Variants in MEGF6 observed in about 807,000 individuals in gnomAD.
MEGF6 encodes multiple EGF like domains 6.
MEGF6 carries 184 observed loss-of-function variants against 207.1 expected under a neutral mutation model. The ratio of observed to expected loss-of-function variants is 0.89; its 90% CI spans 0.79 to 1.00. The LOEUF is 1.00. Among genes scored for constraint, MEGF6 ranks in the 50% least tolerant of loss-of-function variants. MEGF6 has a pLI of 0.00. For synonymous variants in MEGF6, 1,038 were observed against 910.0 expected (o/e 1.14, Z -2.53); for missense variants, 2,282 against 2,202.9 (o/e 1.04, Z -0.72).
chr1:3,561,712 C>T (rs1202690313), intron 4 of MEGF6, among the ~76,000 whole-genome samples: 1 of 152,216 alleles, frequency 6.6e-6, no homozygotes, highest in Admixed American at 6.5e-5. Context: ...GAAGCAGCAA[C>T]AGAAAACACG....
At chr1:3,547,038 G>T (rs1341454431) in intron 4 of MEGF6, 2 of 159,944 alleles carry the variant, frequency 1.3e-5, no homozygotes, top group African/African-American at 4.8e-5. Context: ...GGTGGCTGGG[G>T]GGGGGCCAGC....
rs368634962 is a variant in MEGF6, at chr1:3,509,978, C to T, written c.1249G>A (p.Ala417Thr). The T allele has an allele frequency of 3.3e-5, 53 of 1,585,546 alleles. No homozygotes were observed. In the African/African-American group the frequency reaches 4.8e-4, roughly 14 times the overall value. The change falls in exon 11 of 37, where the codon GCC (alanine) becomes ACC (threonine). Residue 417 changes from alanine to threonine, a missense_variant. Transcript: ENST00000356575. ...GCGCEDVDEC[A>T]SSRGGCEHHC... ...TGCTCGCAGCCGCCACGGCTGGAGG[C>T]GCACTCATCCACATCTGCGGGCGAC...
At chr1:3,622,648 A>C in the MEGF6 span, among the ~76,000 whole-genome samples, 1 of 152,210 alleles carries the variant, frequency 6.6e-6, no homozygotes, top group Non-Finnish European at 1.5e-5. Flanking sequence ...GCAGTGCATG[A>C]GCAAGCCCAG....
rs747215673 is a variant in MEGF6, at chr1:3,511,584, G to A, written c.1080C>T (p.Gly360=). The change falls in exon 9 of 37, where the codon GGC becomes GGT. Residue 360 remains glycine, a synonymous_variant. Coordinates refer to ENST00000356575, the MANE Select transcript of MEGF6 (RefSeq NM_001409.4). ...TCCTCTGATCTGTGTCCAGCTCGTA[G>A]CCGCGGGGACATGTGCACAGGGGCC... The part of the protein sequence containing the change: ...SAGPLCTCPR[G]YELDTDQRTC... The A allele has an allele frequency of 2.5e-6, 4 of 1,611,946 alleles. No individual in the cohort carries two copies. The highest frequency in any genetic ancestry group is 1.3e-5 in the African/African-American group (1 of 75,028).
chr1:3,552,164 C>T (rs542889952), intron 4 of MEGF6, among the ~76,000 whole-genome samples: 15 of 152,340 alleles, frequency 9.8e-5, no homozygotes, highest in Admixed American at 5.2e-4. Context: ...GAGCACATAG[C>T]CTCCCTATGC....
intron 5 of MEGF6, among the ~76,000 whole-genome samples, chr1:3,522,018 C>T (rs1401984947): frequency 6.6e-6 from 1 of 152,252 alleles, no homozygotes; most frequent in East Asian, 1.9e-4. Context: ...ACCCAAGTCA[C>T]TCTTGTTGCC....
rs74498932 is a variant in MEGF6, at chr1:3,555,018, C to A, written c.481+24807G>T. 2.3e-3 allele frequency among the ~76,000 whole-genome samples: 346 copies of A among 152,276 alleles called. 1 individual carries two copies. The highest frequency in any genetic ancestry group is 8.0e-3 in the African/African-American group (331 of 41,542). On this transcript the variant is annotated intron_variant, in intron 4 of 36. Transcript: ENST00000356575. ...AGGGCTGATCCCAGGTCCTGCCCGG[C>A]CCTCTCCCGTCCTGGAACCCAGCCA...
At chr1:3,575,673 C>G (rs112464652) in intron 4 of MEGF6, among the ~76,000 whole-genome samples, 1 of 152,036 alleles carries the variant, frequency 6.6e-6, no homozygotes, top group African/African-American at 2.4e-5. Flanking sequence ...AGAGCTTGTG[C>G]GGGGAAACTC....
At position 3,502,459 on chromosome 1, in the gene MEGF6, C is replaced by T. The variant is rs192875189; in HGVS notation, c.2189-538G>A. ...CCAGCTGGGAGCCCCTCCAGGGACT[C>T]GGCCCGAGGGCTGGGGAGGCTGTGC... On this transcript the variant is annotated intron_variant, in intron 17 of 36. Transcript: ENST00000356575. Among the ~76,000 whole-genome samples the T allele has an allele frequency of 3.2e-4, 48 of 152,280 alleles. No homozygotes were observed. In the East Asian group the frequency reaches 8.1e-3, roughly 26 times the overall value.
chr1:3,506,897 G>A (rs998345228), intron 14 of MEGF6, among the ~76,000 whole-genome samples: 24 of 152,232 alleles, frequency 1.6e-4, no homozygotes, highest in African/African-American at 2.4e-4. Flanking sequence ...AGAGGCAGGC[G>A]GAAGCCGAGA....
At chr1:3,581,877 G>A (rs1293448894) in intron 3 of MEGF6, among the ~76,000 whole-genome samples, 1 of 152,122 alleles carries the variant, frequency 6.6e-6, no homozygotes, top group African/African-American at 2.4e-5. Flanking sequence ...CCCTCTCCTG[G>A]AGCCCGTGCA....
upstream of MEGF6, among the ~76,000 whole-genome samples, chr1:3,614,670 C>T (rs1249006439): frequency 6.6e-6 from 1 of 152,202 alleles, no homozygotes; most frequent in Non-Finnish European, 1.5e-5. Flanking sequence ...TCTGCAGTTC[C>T]CTCCATTGCT....
chr1:3,617,631 A>G, the MEGF6 span, among the ~76,000 whole-genome samples: 2 of 152,202 alleles, frequency 1.3e-5, no homozygotes, highest in Non-Finnish European at 2.9e-5. Flanking sequence ...CCTGAACTTA[A>G]AACAAAATTT....
rs1641061807 is a variant in MEGF6, at chr1:3,505,290, T to C, written c.2106A>G (p.Pro702=). ...GPGCWQACTC[P]VGVACDSVSG... is the part of the protein sequence containing the mutation. ...TCACGGAGTCACAGGCCACGCCCAC[T>C]GGGCAGGTGCATGCCTGCCAGCACC... The change falls in exon 17 of 37, where the codon CCA becomes CCG. Residue 702 remains proline (P), a synonymous_variant. Coordinates refer to ENST00000356575, the MANE Select transcript of MEGF6 (RefSeq NM_001409.4). 3.1e-6 allele frequency: 5 copies of C among 1,612,210 alleles called. No homozygotes were observed. The highest frequency in any genetic ancestry group is 3.4e-6 in the Non-Finnish European group (4 of 1,179,698).
intron 3 of MEGF6, among the ~76,000 whole-genome samples, chr1:3,590,353 C>T (rs1256801863): frequency 2.6e-5 from 4 of 151,912 alleles, no homozygotes; most frequent in African/African-American, 7.3e-5. Context: ...GGCACCGGAC[C>T]AGGATAAAAG....
Position 3,498,519 on chromosome 1 carries a change from CACG to C in MEGF6, c.3224-23_3224-21del. 6.4e-7 allele frequency: 1 copy of C among 1,553,138 alleles called. No homozygotes were observed. The highest frequency in any genetic ancestry group is 8.7e-7 in the Non-Finnish European group (1 of 1,148,648). On this transcript the variant is annotated intron_variant, in intron 25 of 36. Transcript: ENST00000356575. ...GGCACTCTACAGGAGCAGAGGCAGG[CACG>C]AGGGTGAGGGTCCTGCCTCCTGGGC...
At position 3,498,491 on chromosome 1, in the gene MEGF6, G is replaced by A; in HGVS notation, c.3232C>T (p.Pro1078Ser). Reference sequence around the variant, plus strand: ...CGGCAGCCAGCTCTGACGTCCCGGGGGAGGCACTCTACAGGAGCAGAGGCA... The same window carrying A: ...CGGCAGCCAGCTCTGACGTCCCGGGAGAGGCACTCTACAGGAGCAGAGGCA... The part of the protein sequence containing the change: ...AGLACEKECL[P>S]RDVRAGCRHS... The change falls in exon 26 of 37, where the codon CCC becomes TCC. Residue 1078 changes from proline (P) to serine (S), a missense_variant. By Grantham distance (74) the Pro-to-Ser change is moderately conservative. Coordinates refer to ENST00000356575, the MANE Select transcript of MEGF6 (RefSeq NM_001409.4). 1 of 1,577,388 alleles carries A rather than the reference G, an allele frequency of 6.3e-7. No homozygotes were observed. The highest frequency in any genetic ancestry group is 1.3e-5 in the African/African-American group (1 of 74,394).
chr1:3,516,848 G>A (rs997079384), intron 5 of MEGF6, among the ~76,000 whole-genome samples: 1 of 152,200 alleles, frequency 6.6e-6, no homozygotes, highest in Non-Finnish European at 1.5e-5. Flanking sequence ...AGGCTATTGG[G>A]GGTCGCAGTG....
intron 4 of MEGF6, among the ~76,000 whole-genome samples, chr1:3,534,657 G>A (rs746243040): frequency 6.6e-6 from 1 of 152,154 alleles, no homozygotes; most frequent in Admixed American, 6.5e-5. Flanking sequence ...CCAAGGCCAC[G>A]CAGAGACCCA....
Sources: allele counts gnomAD v4.1 joint callset (sites outside exome capture counted in the v4.1 genomes callset), GRCh38; gene constraint gnomAD v4.1.1; transcripts MANE v1.5; gene names NCBI Gene and HGNC (gene_info 2026-07-23, HGNC 2026-07-21).